The following EIF4G3 variants were observed in gnomAD, a reference collection of about 807,000 sequenced individuals.
EIF4G3 encodes the protein eIF-4-gamma 3.
A neutral mutation model predicts 186.4 loss-of-function variants in EIF4G3; 34 were observed. The observed-to-expected ratio is 0.18, with a 90% CI of 0.14 to 0.24. EIF4G3 has a LOEUF of 0.24. EIF4G3 is among the 10% of genes least tolerant of loss of function. The pLI, the probability that EIF4G3 is intolerant of heterozygous loss-of-function variation, is 1.00. For missense variants in EIF4G3, 1,536 were observed against 1,948.5 expected (o/e 0.79, Z 3.99); for synonymous variants, 673 against 679.5 (o/e 0.99, Z 0.15).
chr1:20,979,425 G>C lies in EIF4G3; in HGVS notation c.493+909C>G, dbSNP rs556761569. The stretch of plus-strand genomic sequence containing the variant: ...AAGTGCCTGCCAGTCACTGTTCTAG[G>C]GGCTGGGGATATAGCAGTGAACAAA... On this transcript the variant is annotated intron_variant, in intron 10 of 36. Transcript: ENST00000602326. Among the ~76,000 whole-genome samples, 25 of 152,240 alleles carry C rather than the reference G, an allele frequency of 1.6e-4. No individual in the cohort carries two copies. The East Asian group carries it at 4.4e-3, about 27-fold the overall frequency.
intron 29 of EIF4G3, among the ~76,000 whole-genome samples, chr1:20,847,580 T>C (rs1240325118): frequency 6.6e-6 from 1 of 152,232 alleles, no homozygotes; most frequent in Non-Finnish European, 1.5e-5. Context: ...TCTTCCTTAC[T>C]GTCTTGGCGT....
intron 26 of EIF4G3, 84 bp downstream of exon 26, chr1:20,854,894 C>T (rs957315038): frequency 1.7e-6 from 2 of 1,149,014 alleles, no homozygotes; most frequent in Non-Finnish European, 2.5e-6. Flanking sequence ...TCCCAAAAAC[C>T]ATCATTCGAT....
intron 2 of EIF4G3, among the ~76,000 whole-genome samples, chr1:21,134,259 C>T (rs2097201064): frequency 6.6e-6 from 1 of 152,146 alleles, no homozygotes; most frequent in Non-Finnish European, 1.5e-5. Context: ...AAATATCTTA[C>T]AGGCTGAAAA....
intron 18 of EIF4G3, among the ~76,000 whole-genome samples, chr1:20,892,953 A>G (rs920465132): frequency 2.0e-4 from 31 of 151,876 alleles, no homozygotes; most frequent in African/African-American, 7.5e-4. Context: ...TGTCACCCAG[A>G]CTGGAGTGCA....
At chr1:20,923,551 T>C (rs1572898038) in intron 14 of EIF4G3, among the ~76,000 whole-genome samples, 4 of 152,218 alleles carry the variant, frequency 2.6e-5, no homozygotes, top group Admixed American at 2.6e-4. Context: ...AAAGAGACTA[T>C]AATACAGTTA....
In EIF4G3 at chr1:20,870,437, A is replaced by C. The variant is rs190564745; in HGVS notation, c.2623-5175T>G. Among the ~76,000 whole-genome samples the C allele has an allele frequency of 1.3e-3, 191 of 152,208 alleles. 1 individual carries two copies. The highest frequency in any genetic ancestry group is 4.4e-3 in the African/African-American group (184 of 41,516). The stretch of plus-strand genomic sequence containing the variant: ...ACAAAACTACAGTCTCAGGGCATAA[A>C]AGAAACTCATTCAAGTTGGTTATTC... On this transcript the variant is annotated intron_variant, in intron 20 of 36. Transcript: ENST00000602326.
intron 33 of EIF4G3, among the ~76,000 whole-genome samples, chr1:20,820,702 C>T (rs1360721119): frequency 6.6e-6 from 1 of 152,054 alleles, no homozygotes; most frequent in African/African-American, 2.4e-5. Context: ...TGGACTCAGC[C>T]AGAACAGGGT....
chr1:21,043,509 G>A (rs543151312), intron 4 of EIF4G3, among the ~76,000 whole-genome samples: 30 of 152,174 alleles, frequency 2.0e-4, no homozygotes, highest in African/African-American at 4.8e-4. Flanking sequence ...AATTCTTTTC[G>A]GCTACAGGCA....
At chr1:21,046,398 C>T (rs982495890) in intron 4 of EIF4G3, among the ~76,000 whole-genome samples, 1 of 152,134 alleles carries the variant, frequency 6.6e-6, no homozygotes, top group Non-Finnish European at 1.5e-5. Flanking sequence ...TGGTGAAGCA[C>T]CTGTGGATGT....
chr1:21,001,243 CG>C lies in EIF4G3; in HGVS notation c.99del (p.Val34PhefsTer11). ...WKRRKVLEQT[P>X]VYRSLAGRGW... is the part of the protein sequence containing the mutation. Reference sequence around the variant, plus strand: ...CCTCTTCCAGCCAAGGACCTGTAAACGGGAGTCTGTTCCAAAACCTTCCTCC... The same window carrying C: ...CCTCTTCCAGCCAAGGACCTGTAAACGGAGTCTGTTCCAAAACCTTCCTCC... On this transcript the variant is annotated frameshift_variant, in exon 6 of 37. Transcript: ENST00000602326. LOFTEE classifies it high-confidence loss of function. 1 of 471,576 alleles carries C rather than the reference CG, an allele frequency of 2.1e-6. No homozygotes were observed. Among genetic ancestry groups the C allele is most frequent in the Non-Finnish European group, 4.4e-6 (1 of 227,130 alleles). The allele number at this position is 471,576 out of a possible 1,614,324, so 29.2% of individuals were successfully genotyped here. A position where few individuals can be genotyped will look rare whatever the true frequency, so the allele number is the denominator to read the frequency against.
chr1:20,862,252 A>C lies in EIF4G3; in HGVS notation c.3087T>G (p.Leu1029=). 6.2e-7 allele frequency: 1 copy of C among 1,609,142 alleles called. No individual in the cohort carries two copies. ...CCAGCCTTAGGTCTATAACATCTTG[A>C]AGCATGAACCGAATCCTAGATGAGG... The part of the protein sequence containing the change: ...RKTSSRIRFM[L]QDVIDLRLCN... Residue 1029 remains leucine, a synonymous_variant, in exon 23 of 37, where the codon CTT becomes CTG. Coordinates refer to ENST00000602326, the MANE Select transcript of EIF4G3 (RefSeq NM_001391906.1).
At chr1:21,071,439 C>T (rs921788534) in intron 3 of EIF4G3, among the ~76,000 whole-genome samples, 9 of 152,130 alleles carry the variant, frequency 5.9e-5, no homozygotes, top group African/African-American at 2.2e-4. Flanking sequence ...AGAAACACAT[C>T]CACTCCATGT....
chr1:20,850,378 G>A (rs2072904481), intron 28 of EIF4G3, among the ~76,000 whole-genome samples: 1 of 152,152 alleles, frequency 6.6e-6, no homozygotes, highest in South Asian at 2.1e-4. Flanking sequence ...CCCTAAAGCT[G>A]TATTATCTAA....
chr1:21,159,130 G>A (rs1347789300), intron 2 of EIF4G3, among the ~76,000 whole-genome samples: 1 of 152,092 alleles, frequency 6.6e-6, no homozygotes, highest in African/African-American at 2.4e-5. Flanking sequence ...TGTTGGCAAA[G>A]CTTAAAAATA....
At chr1:20,825,760 TCA>T (rs1385040334) in intron 32 of EIF4G3, among the ~76,000 whole-genome samples, 1 of 152,176 alleles carries the variant, frequency 6.6e-6, no homozygotes. Context: ...TCATAATAGA[TCA>T]CAGCCATGCT....
intron 14 of EIF4G3, among the ~76,000 whole-genome samples, chr1:20,905,798 G>A (rs1161855311): frequency 6.6e-6 from 1 of 152,124 alleles, no homozygotes; most frequent in Non-Finnish European, 1.5e-5. Flanking sequence ...TACTATAGAA[G>A]GATGAACAAG....
intron 20 of EIF4G3, among the ~76,000 whole-genome samples, chr1:20,877,030 A>G (rs1008955840): frequency 2.6e-5 from 4 of 152,210 alleles, no homozygotes; most frequent in African/African-American, 4.8e-5. Flanking sequence ...CAAAAGTCTC[A>G]TAAGTGGGTG....
intron 2 of EIF4G3, among the ~76,000 whole-genome samples, chr1:21,118,456 C>A (rs1486828897): frequency 6.6e-6 from 1 of 152,092 alleles, no homozygotes; most frequent in East Asian, 1.9e-4. Flanking sequence ...AGGTTCCAAA[C>A]AAAGAAAAGG....
intron 3 of EIF4G3, among the ~76,000 whole-genome samples, chr1:21,053,937 C>T (rs2094436757): frequency 6.6e-6 from 1 of 152,158 alleles, no homozygotes; most frequent in African/African-American, 2.4e-5. Context: ...TGAGGAGCCC[C>T]TCTGCCCGGC....
Sources: allele counts gnomAD v4.1 joint callset (sites outside exome capture counted in the v4.1 genomes callset), GRCh38; gene constraint gnomAD v4.1.1; transcripts MANE v1.5; gene names NCBI Gene and HGNC (gene_info 2026-07-23, HGNC 2026-07-21).